Variants in NAV2 observed in about 807,000 individuals in gnomAD.
NAV2 encodes the protein helicase, APC down-regulated 1.
A neutral mutation model predicts 223.2 loss-of-function variants in NAV2; 54 were observed. The ratio of observed to expected loss-of-function variants is 0.24; its 90% CI spans 0.19 to 0.30. The LOEUF (loss-of-function observed/expected upper bound fraction) is 0.30, where lower values mean the gene tolerates loss of function less well. NAV2 is among the 10% of genes least tolerant of loss of function. The pLI, the probability that NAV2 is intolerant of heterozygous loss-of-function variation, is 1.00. For synonymous variants in NAV2, 1,279 were observed against 1,239.3 expected, an observed-to-expected ratio of 1.03 and a Z score of -0.67; for missense variants, 2,806 against 3,147.5, an observed-to-expected ratio of 0.89 and a Z score of 2.60.
intron 11 of NAV2, among the ~76,000 whole-genome samples, chr11:19,986,794 A>C (rs1050285544): frequency 1.1e-4 from 16 of 152,344 alleles, no homozygotes; most frequent in African/African-American, 3.8e-4. Context: ...GAATATGCTA[A>C]ATTTTTATAA....
At chr11:19,346,076 C>A (rs1290908384), upstream of NAV2, among the ~76,000 whole-genome samples, 2 of 152,028 alleles carry the variant, frequency 1.3e-5, no homozygotes, top group Non-Finnish European at 2.9e-5. Context: ...TCTATGAGCG[C>A]GTGTGTTTTC....
At chr11:19,714,299 C>A (rs767588637) in intron 1 of NAV2, 6 of 544,830 alleles carry the variant, frequency 1.1e-5, no homozygotes, top group South Asian at 9.2e-5. Flanking sequence ...AGGTCTTGGC[C>A]CCAAGAAGCC....
intron 6 of NAV2, among the ~76,000 whole-genome samples, chr11:19,920,424 A>T (rs749564053): frequency 3.9e-5 from 6 of 152,046 alleles, no homozygotes; most frequent in Non-Finnish European, 8.8e-5. Context: ...AGTAGCTGGG[A>T]TTACAGGCGT....
chr11:20,105,822 G>C, intron 35 of NAV2, 95 bp downstream of exon 35: 1 of 976,288 alleles, frequency 1.0e-6, no homozygotes. Flanking sequence ...GGCACAGTCA[G>C]CAGAAGCTGG....
intron 3 of NAV2, among the ~76,000 whole-genome samples, chr11:19,845,089 A>T (rs1454737875): frequency 6.6e-6 from 1 of 152,208 alleles, no homozygotes; most frequent in Non-Finnish European, 1.5e-5. Context: ...CATAAGGCAG[A>T]ACTCACTAGA....
intron 1 of NAV2, among the ~76,000 whole-genome samples, chr11:19,475,415 C>T (rs57092084): frequency 1.1e-4 from 16 of 152,268 alleles, no homozygotes; most frequent in African/African-American, 3.4e-4. Flanking sequence ...ATTAACATGG[C>T]CCATAAATAG....
At chr11:20,036,612 T>C (rs918064354) in intron 12 of NAV2, among the ~76,000 whole-genome samples, 28 of 152,206 alleles carry the variant, frequency 1.8e-4, no homozygotes, top group African/African-American at 6.5e-4. Flanking sequence ...ACGTGTTTTA[T>C]TTGGCCCACA....
At chr11:19,551,437 T>C (rs930474095) in intron 1 of NAV2, among the ~76,000 whole-genome samples, 4 of 152,226 alleles carry the variant, frequency 2.6e-5, no homozygotes, top group Non-Finnish European at 4.4e-5. Context: ...TCCTCATTGC[T>C]GAGTTGTGGA....
chr11:19,614,454 A>G (rs577350398), intron 1 of NAV2, among the ~76,000 whole-genome samples: 1 of 152,178 alleles, frequency 6.6e-6, no homozygotes, highest in East Asian at 1.9e-4. Context: ...TTTTAGGTTT[A>G]CAGCAAAATT....
intron 12 of NAV2, among the ~76,000 whole-genome samples, chr11:20,043,549 C>T (rs1319913169): frequency 6.6e-6 from 1 of 152,142 alleles, no homozygotes; most frequent in Non-Finnish European, 1.5e-5. Context: ...CGGGGTGATC[C>T]TCCCACCTCA....
In NAV2 at chr11:19,389,106, A is replaced by C. The variant is rs145303100; in HGVS notation, c.75+38079A>C. On this transcript the variant is annotated intron_variant, in intron 1 of 37. Coordinates refer to the NAV2 transcript ENST00000360655. ...CACAGCTGTCCCCATATCAATACTC[A>C]TTTCCCTGATGCCTCCACTGATGGA... Among the ~76,000 whole-genome samples, 1,242 of 152,122 alleles carry C rather than the reference A, an allele frequency of 8.2e-3. 16 individuals carry two copies. The highest frequency in any genetic ancestry group is 0.048 in the Middle Eastern group (14 of 294).
chr11:19,864,414 C>A (rs1040224163), intron 3 of NAV2, among the ~76,000 whole-genome samples: 2 of 152,214 alleles, frequency 1.3e-5, no homozygotes, highest in African/African-American at 4.8e-5. Context: ...AGTCTCTAAG[C>A]TACCAGGGAG....
At chr11:19,768,880 T>C (rs1299247546) in intron 1 of NAV2, among the ~76,000 whole-genome samples, 1 of 152,244 alleles carries the variant, frequency 6.6e-6, no homozygotes, top group Non-Finnish European at 1.5e-5. Context: ...AGATAGTGCC[T>C]AGGACTTTTG....
In NAV2 at chr11:20,074,760, C is replaced by CCTTTTTTTTTTTTTTTTTTTTTT. The variant is rs56895607; in HGVS notation, c.4984-2792_4984-2791insCTTTTTTTTTTTTTTTTTTTTTT. On this transcript the variant is annotated intron_variant, in intron 22 of 37. Transcript: ENST00000349880. ...ATTGGAGACTAGGATTGCAACTCTGCTTTTTTTTTTTTTTTTGCTTTCCAT... is the reference window on the plus strand; with the variant it reads ...ATTGGAGACTAGGATTGCAACTCTGCCTTTTTTTTTTTTTTTTTTTTTTTTTTTTTTTTTTTTTTGCTTTCCAT... Among the ~76,000 whole-genome samples, 338 of 110,194 alleles carry CCTTTTTTTTTTTTTTTTTTTTTT rather than the reference C, an allele frequency of 3.1e-3. 38 individuals are homozygous for CCTTTTTTTTTTTTTTTTTTTTTT. Among genetic ancestry groups the CCTTTTTTTTTTTTTTTTTTTTTT allele is most frequent in the African/African-American group, 4.5e-3 (116 of 25,996 alleles). 72.3% of individuals were successfully genotyped at this position (110,194 alleles called of 152,430 possible). A position where few individuals can be genotyped will look rare whatever the true frequency, so the allele number is the denominator to read the frequency against.
intron 3 of NAV2, among the ~76,000 whole-genome samples, chr11:19,860,531 C>T (rs1425569752): frequency 1.3e-5 from 2 of 151,500 alleles, no homozygotes; most frequent in East Asian, 4.0e-4. Context: ...GGCAGAGACG[C>T]TCCTCACTTT....
intron 1 of NAV2, among the ~76,000 whole-genome samples, chr11:19,442,608 G>T (rs1851444939): frequency 1.3e-5 from 2 of 152,318 alleles, no homozygotes; most frequent in South Asian, 4.1e-4. Flanking sequence ...GCCAGGATCA[G>T]AGGGCAGGGC....
At chr11:20,051,847 G>T (rs1315395496) in intron 17 of NAV2, among the ~76,000 whole-genome samples, 2 of 152,256 alleles carry the variant, frequency 1.3e-5, no homozygotes, top group African/African-American at 4.8e-5. Context: ...TGGAAAATTG[G>T]TCCACTTTCA....
At chr11:19,606,752 GAA>G (rs1333681901) in intron 1 of NAV2, among the ~76,000 whole-genome samples, 1 of 152,236 alleles carries the variant, frequency 6.6e-6, no homozygotes, top group African/African-American at 2.4e-5. Context: ...GAAGCAGACA[GAA>G]GAGTCTCCTA....
chr11:20,011,009 A>G (rs77211684), intron 11 of NAV2, among the ~76,000 whole-genome samples: 6,380 of 152,256 alleles, frequency 0.042, 273 homozygotes, highest in Admixed American at 0.074. Flanking sequence ...AGGCTTTCCC[A>G]TCTCTCTAGT....
Sources: allele counts gnomAD v4.1 joint callset (sites outside exome capture counted in the v4.1 genomes callset), GRCh38; gene constraint gnomAD v4.1.1; transcripts MANE v1.5; gene names NCBI Gene and HGNC (gene_info 2026-07-23, HGNC 2026-07-21).